Variants in NCAM1 observed in about 807,000 individuals in gnomAD.
NCAM1 encodes the protein neural cell adhesion molecule 1, also known as antigen recognized by monoclonal antibody 5.1H11.
Under a neutral mutation model 109.8 loss-of-function variants are expected in NCAM1, and 14 were observed. That is an observed-to-expected ratio of 0.13 (90% confidence interval 0.08 to 0.20). The LOEUF (loss-of-function observed/expected upper bound fraction) is 0.20. Among genes scored for constraint, NCAM1 ranks in the 10% least tolerant of loss-of-function variants. The probability of loss-of-function intolerance (pLI) is 1.00; values close to 1 mark genes in which losing one functional copy is unlikely to be tolerated. For missense variants in NCAM1, 774 were observed against 1,109.9 expected (o/e 0.70, Z 4.30); for synonymous variants, 418 against 442.9 (o/e 0.94, Z 0.70).
chr11:113,156,653 A>G (rs1490011995), intron 1 of NCAM1, among the ~76,000 whole-genome samples: 1 of 152,212 alleles, frequency 6.6e-6, no homozygotes, highest in Non-Finnish European at 1.5e-5. Flanking sequence ...GGGAAGACTT[A>G]GTAGAAAGAC....
At chr11:113,093,557 G>C (rs1243038905) in intron 1 of NCAM1, among the ~76,000 whole-genome samples, 1 of 152,176 alleles carries the variant, frequency 6.6e-6, no homozygotes, top group African/African-American at 2.4e-5. Flanking sequence ...ATGAAGCACA[G>C]CTGGATAGAG....
At chr11:113,045,206 C>A (rs1565402504) in intron 1 of NCAM1, among the ~76,000 whole-genome samples, 1 of 152,142 alleles carries the variant, frequency 6.6e-6, no homozygotes, top group Non-Finnish European at 1.5e-5. Context: ...AACATTCTCC[C>A]AGGACAAACT....
At chr11:112,988,796 C>T (rs368402629) in intron 1 of NCAM1, among the ~76,000 whole-genome samples, 229 of 148,002 alleles carry the variant, frequency 1.5e-3, no homozygotes, top group African/African-American at 5.0e-3. Flanking sequence ...TTGCCCAGGC[C>T]GAAGTGCAGT....
intron 7 of NCAM1, among the ~76,000 whole-genome samples, chr11:113,209,742 C>T (rs1373470443): frequency 6.6e-6 from 1 of 152,190 alleles, no homozygotes. Flanking sequence ...AGTAGATTCA[C>T]AAGCTAATGT....
At chr11:113,029,188 A>ATAAC (rs1591263309) in intron 1 of NCAM1, among the ~76,000 whole-genome samples, 1 of 152,366 alleles carries the variant, frequency 6.6e-6, no homozygotes, top group East Asian at 1.9e-4. Flanking sequence ...TTGGCAATCA[A>ATAAC]TAACTGTATG....
chr11:113,061,992 G>T (rs1937675484), intron 1 of NCAM1, among the ~76,000 whole-genome samples: 1 of 152,154 alleles, frequency 6.6e-6, no homozygotes, highest in African/African-American at 2.4e-5. Context: ...CAGAAAATGT[G>T]CAACCTGGCA....
intron 1 of NCAM1, among the ~76,000 whole-genome samples, chr11:113,131,881 T>C (rs189602800): frequency 6.6e-6 from 1 of 152,298 alleles, no homozygotes; most frequent in African/African-American, 2.4e-5. Context: ...AAATGAAGTC[T>C]AGCTGTATGC....
chr11:113,064,138 GC>G (rs1280276958), intron 1 of NCAM1, among the ~76,000 whole-genome samples: 8 of 152,190 alleles, frequency 5.3e-5, no homozygotes, highest in Non-Finnish European at 1.0e-4. Context: ...TCAGTGGCCT[GC>G]CTGATATTGA....
intron 1 of NCAM1, among the ~76,000 whole-genome samples, chr11:113,110,000 G>A (rs10891507): frequency 0.79 from 120,892 of 152,128 alleles, 48,230 homozygotes; most frequent in African/African-American, 0.88. Flanking sequence ...ATGAATGTGT[G>A]TATATATGAA....
chr11:113,275,634 A>G lies in NCAM1; in HGVS notation c.*247A>G, dbSNP rs112708952. 210 of 402,458 alleles carry G rather than the reference A, an allele frequency of 5.2e-4. 1 individual carries two copies. The highest frequency in any genetic ancestry group is 3.5e-3 in the African/African-American group (168 of 48,322). 24.9% of individuals were successfully genotyped at this position (402,458 alleles called of 1,614,324 possible). The stretch of plus-strand genomic sequence containing the variant: ...ACACTCACTTGTAAGAAAATGAGAC[A>G]AAAAGGTTAAACCCACAGCCAAACT... On this transcript the variant is annotated 3_prime_UTR_variant, in exon 20 of 20. Coordinates refer to ENST00000316851, the MANE Select transcript of NCAM1 (RefSeq NM_181351.5).
intron 1 of NCAM1, among the ~76,000 whole-genome samples, chr11:113,071,347 A>C (rs1938251107): frequency 1.3e-5 from 2 of 152,234 alleles, no homozygotes; most frequent in South Asian, 4.1e-4. Context: ...AGTGAATAAC[A>C]TGATATTCCT....
intron 1 of NCAM1, among the ~76,000 whole-genome samples, chr11:112,988,495 T>A (rs1951369197): frequency 6.6e-6 from 1 of 152,176 alleles, no homozygotes; most frequent in South Asian, 2.1e-4. Flanking sequence ...CTCTCAGTTT[T>A]TATTTGTCTG....
chr11:113,219,723 G>T (rs1944630826), intron 8 of NCAM1, among the ~76,000 whole-genome samples: 1 of 152,200 alleles, frequency 6.6e-6, no homozygotes, highest in Non-Finnish European at 1.5e-5. Context: ...GAGACACAAG[G>T]ATAATCAGAT....
intron 1 of NCAM1, among the ~76,000 whole-genome samples, chr11:113,072,026 TC>T (rs369841418): frequency 2.0e-5 from 3 of 152,052 alleles, no homozygotes; most frequent in African/African-American, 7.2e-5. Context: ...ATGCCTGTAA[TC>T]CCAGCTACTC....
At chr11:113,250,152 AG>A (rs1945630136) in intron 15 of NCAM1, among the ~76,000 whole-genome samples, 1 of 152,244 alleles carries the variant, frequency 6.6e-6, no homozygotes, top group Admixed American at 6.5e-5. Context: ...TTGATCCAGC[AG>A]GAACAATGCC....
At chr11:113,200,071 C>T (rs192337186) in intron 1 of NCAM1, among the ~76,000 whole-genome samples, 184 of 152,248 alleles carry the variant, frequency 1.2e-3, no homozygotes, top group African/African-American at 4.3e-3. Context: ...TAAGAATATC[C>T]TTCTCAAAGC....
intron 17 of NCAM1, chr11:113,262,823 G>A (rs782399816): frequency 1.2e-6 from 2 of 1,612,666 alleles, no homozygotes; most frequent in Non-Finnish European, 1.7e-6. Context: ...TATCTCTGGG[G>A]ACCCATTGCT....
intron 1 of NCAM1, among the ~76,000 whole-genome samples, chr11:113,078,753 C>T (rs10502167): frequency 0.05 from 7,567 of 152,210 alleles, 572 homozygotes; most frequent in Admixed American, 0.16. Flanking sequence ...CAGTAGCTCA[C>T]TTCTAATCAC....
At chr11:113,270,132 T>G (rs1256633809) in intron 17 of NCAM1, 56 bp from the exon 18 acceptor site, 23 of 1,562,522 alleles carry the variant, frequency 1.5e-5, no homozygotes, top group African/African-American at 2.7e-5. Flanking sequence ...GCTGGCAGGG[T>G]CTGGAGGTCT....
Sources: gnomAD v4.1 joint callset for allele counts (sites outside exome capture counted in the v4.1 genomes callset) on GRCh38, gnomAD v4.1.1 for gene constraint, MANE v1.5 for transcripts, NCBI Gene and HGNC (gene_info 2026-07-23, HGNC 2026-07-21) for gene names.